The following PDE3A variants were observed in gnomAD, a reference collection of about 807,000 sequenced individuals.
PDE3A encodes phosphodiesterase 3A.
PDE3A carries 43 observed loss-of-function variants against 98.3 expected under a neutral mutation model. The ratio of observed to expected loss-of-function variants is 0.44; its 90% CI spans 0.34 to 0.56. The LOEUF is 0.56. Ranked by LOEUF, PDE3A falls within the 20% of genes least tolerant of loss-of-function variation. The pLI is 0.01. For synonymous variants in PDE3A, 663 were observed against 567.9 expected, an observed-to-expected ratio of 1.17 and a Z score of -2.38; for missense variants, 1,427 against 1,440.7, an observed-to-expected ratio of 0.99 and a Z score of 0.15.
intron 15 of PDE3A, among the ~76,000 whole-genome samples, chr12:20,667,142 CT>C (rs1393875606): frequency 6.6e-6 from 1 of 151,920 alleles, no homozygotes; most frequent in Non-Finnish European, 1.5e-5. Context: ...TGTTTTTTAA[CT>C]GTTGCTTGAT....
At chr12:20,647,026 C>T (rs2121515572) in intron 12 of PDE3A, 76 bp downstream of exon 12, 1 of 1,024,128 alleles carries the variant, frequency 9.8e-7, no homozygotes, top group Non-Finnish European at 1.5e-6. Flanking sequence ...TGATTTATAA[C>T]AGGCACCAAG....
intron 8 of PDE3A, among the ~76,000 whole-genome samples, chr12:20,635,830 T>G (rs925544173): frequency 1.3e-5 from 2 of 151,994 alleles, no homozygotes; most frequent in Admixed American, 6.6e-5. Flanking sequence ...TAAACATGTA[T>G]TACAGCCCTT....
intron 1 of PDE3A, among the ~76,000 whole-genome samples, chr12:20,499,073 G>A (rs958721807): frequency 1.7e-4 from 26 of 152,298 alleles, no homozygotes; most frequent in Non-Finnish European, 3.8e-4. Context: ...ATCCTGTGGA[G>A]TCTGAGATGG....
intron 1 of PDE3A, among the ~76,000 whole-genome samples, chr12:20,502,007 G>A (rs191495661): frequency 4.9e-4 from 74 of 152,146 alleles, no homozygotes; most frequent in Middle Eastern, 6.8e-3. Context: ...TGGGGAATAC[G>A]GATAATTGTT....
At chr12:20,578,383 G>C (rs908216368) in intron 2 of PDE3A, among the ~76,000 whole-genome samples, 7 of 151,920 alleles carry the variant, frequency 4.6e-5, no homozygotes, top group African/African-American at 1.7e-4. Context: ...CACCGCCTAA[G>C]ACATTATTAA....
chr12:20,406,721 A>G lies in PDE3A; in HGVS notation c.960+36477A>G, dbSNP rs577234356. ...AAGCCTTTTAGTTTGATGGAGTCCT[A>G]CTGGTTTACTTTTGCTTTTGTTGCC... On this transcript the variant is annotated intron_variant, in intron 1 of 15. Transcript: ENST00000359062. Among the ~76,000 whole-genome samples, 340 of 152,132 alleles carry G rather than the reference A, an allele frequency of 2.2e-3. 1 individual carries two copies. Among genetic ancestry groups the G allele is most frequent in the African/African-American group, 7.9e-3 (327 of 41,526 alleles).
intron 1 of PDE3A, among the ~76,000 whole-genome samples, chr12:20,523,242 C>A (rs904099355): frequency 6.6e-6 from 1 of 152,140 alleles, no homozygotes; most frequent in Non-Finnish European, 1.5e-5. Context: ...TGCCACAGGT[C>A]CCTCTTGACT....
intron 1 of PDE3A, among the ~76,000 whole-genome samples, chr12:20,469,449 G>T (rs1378487576): frequency 6.6e-6 from 1 of 152,126 alleles, no homozygotes; most frequent in African/African-American, 2.4e-5. Flanking sequence ...TGGTCCCAAA[G>T]GGTCTTCTCT....
At chr12:20,608,111 T>A (rs1397323978) in intron 2 of PDE3A, among the ~76,000 whole-genome samples, 2 of 152,180 alleles carry the variant, frequency 1.3e-5, no homozygotes, top group Non-Finnish European at 2.9e-5. Flanking sequence ...GACATACCCA[T>A]CCTTTGTAGC....
chr12:20,506,428 G>C (rs1946120159), intron 1 of PDE3A, among the ~76,000 whole-genome samples: 1 of 152,008 alleles, frequency 6.6e-6, no homozygotes, highest in African/African-American at 2.4e-5. Context: ...AATAGAGGCT[G>C]TGGTGTTGGG....
At chr12:20,536,147 A>G (rs1419126654) in intron 1 of PDE3A, among the ~76,000 whole-genome samples, 3 of 152,150 alleles carry the variant, frequency 2.0e-5, no homozygotes, top group Non-Finnish European at 4.4e-5. Flanking sequence ...TCATACATAT[A>G]CTTATCACTT....
rs59008318 is a variant in PDE3A at position 20,369,210 on chromosome 12, TGCGC to T, written c.-65_-62del. ...GCGTGCGTGTGTGTGTGTGTGTGTG[TGCGC>T]GCGCGCGCGTGGGTCGGGGCGGGGG... On this transcript the variant is annotated 5_prime_UTR_variant, in exon 1 of 16. Coordinates refer to ENST00000359062, the MANE Select transcript of PDE3A (RefSeq NM_000921.5). 1.4e-5 allele frequency: 11 copies of T among 807,694 alleles called. No homozygotes were observed. The highest frequency in any genetic ancestry group is 2.1e-5 in the African/African-American group (1 of 47,590). 50.0% of individuals were successfully genotyped at this position (807,694 alleles called of 1,614,324 possible).
chr12:20,653,810 T>C, intron 14 of PDE3A, 137 bp from the exon 15 acceptor site: 1 of 863,412 alleles, frequency 1.2e-6, no homozygotes, highest in Non-Finnish European at 1.8e-6. Flanking sequence ...ACAGTGTTTC[T>C]ATAGGAACCT....
At chr12:20,667,090 A>C (rs1945333541) in intron 15 of PDE3A, among the ~76,000 whole-genome samples, 2 of 152,056 alleles carry the variant, frequency 1.3e-5, no homozygotes, top group South Asian at 4.1e-4. Context: ...AGAAATGTCT[A>C]TTCATGTCCT....
At chr12:20,563,206 C>A (rs1774610279) in intron 2 of PDE3A, among the ~76,000 whole-genome samples, 1 of 152,184 alleles carries the variant, frequency 6.6e-6, no homozygotes, top group African/African-American at 2.4e-5. Flanking sequence ...TTAACCTAAT[C>A]ATTTGCCTAC....
In PDE3A at chr12:20,520,128, G is replaced by A. The variant is rs141733960; in HGVS notation, c.961-36532G>A. 5.9e-5 allele frequency among the ~76,000 whole-genome samples: 9 copies of A among 152,244 alleles called. No individual in the cohort carries two copies. In the East Asian group the frequency reaches 1.2e-3, roughly 20 times the overall value. ...TGGTATCAGTAATGAAAAATCCAACGTGTTTGGTGAAATTCAAGTAGTGTA... is the reference window on the plus strand; with the variant it reads ...TGGTATCAGTAATGAAAAATCCAACATGTTTGGTGAAATTCAAGTAGTGTA... On this transcript the variant is annotated intron_variant, in intron 1 of 15. Transcript: ENST00000359062.
intron 15 of PDE3A, among the ~76,000 whole-genome samples, chr12:20,669,650 G>A (rs1945416886): frequency 6.6e-6 from 1 of 151,856 alleles, no homozygotes; most frequent in Non-Finnish European, 1.5e-5. Context: ...AGCAAATGCT[G>A]AGAGATTTTG....
At chr12:20,562,981 A>C (rs1227455718) in intron 2 of PDE3A, among the ~76,000 whole-genome samples, 1 of 152,206 alleles carries the variant, frequency 6.6e-6, no homozygotes, top group East Asian at 1.9e-4. Flanking sequence ...CAAATGACCC[A>C]TGGCCTATTT....
intron 10 of PDE3A, among the ~76,000 whole-genome samples, chr12:20,645,982 A>T (rs980422085): frequency 1.3e-5 from 2 of 152,232 alleles, no homozygotes; most frequent in Non-Finnish European, 2.9e-5. Context: ...TGAAATCTAC[A>T]TATAAAAGAT....
Sources: gnomAD v4.1 joint callset for allele counts (sites outside exome capture counted in the v4.1 genomes callset) on GRCh38, gnomAD v4.1.1 for gene constraint, MANE v1.5 for transcripts, NCBI Gene and HGNC (gene_info 2026-07-23, HGNC 2026-07-21) for gene names.